The following ACE variants were observed in gnomAD, a reference collection of about 807,000 sequenced individuals.
ACE encodes the protein angiotensin-converting enzyme.
A neutral mutation model predicts 162.3 loss-of-function variants in ACE; 122 were observed. The observed-to-expected ratio is 0.75, with a 90% CI of 0.65 to 0.87. The LOEUF (loss-of-function observed/expected upper bound fraction) is 0.87, where lower values mean the gene tolerates loss of function less well. ACE is among the 40% of genes least tolerant of loss of function. The pLI is 0.00. For missense variants in ACE, 1,799 were observed against 1,735.1 expected (o/e 1.04, Z -0.65); for synonymous variants, 796 against 720.6 (o/e 1.10, Z -1.68).
In ACE at chr17:63,491,013, G is replaced by GC; in HGVS notation, c.2706dup (p.Ser903LeufsTer20). 6.2e-7 allele frequency: 1 copy of GC among 1,614,188 alleles called. No individual in the cohort carries two copies. The highest frequency in any genetic ancestry group is 8.5e-7 in the Non-Finnish European group (1 of 1,180,038). On this transcript the variant is annotated frameshift_variant, in exon 18 of 25. Coordinates refer to ENST00000290866, the MANE Select transcript of ACE (RefSeq NM_000789.4). LOFTEE classifies it high-confidence loss of function. This position sits in a 1 kb window ranked among gnomAD's most constrained non-coding sequence, Gnocchi z 4.4. The stretch of plus-strand genomic sequence containing the variant: ...TGACTTGGTGGTGCCCTTCCCTTCA[G>GC]CCCCCTCGATGGACACCACAGAGGC...
At position 63,484,707 on chromosome 17, in the gene ACE, A is replaced by C; in HGVS notation, c.1921+166A>C. ...ATCAGCAGGGCCTGCGAGTGGGGAC[A>C]GGCATGTCTTTCCCCCAGCATCCTA... On this transcript the variant is annotated intron_variant, in intron 12 of 24. Transcript: ENST00000290866. This position sits in a 1 kb window ranked among gnomAD's most constrained non-coding sequence, Gnocchi z 4.0. The C allele has an allele frequency of 6.9e-7, 1 of 1,450,562 alleles. No individual in the cohort carries two copies. The highest frequency in any genetic ancestry group is 9.1e-7 in the Non-Finnish European group (1 of 1,104,494). The allele number at this position is 1,450,562 out of a possible 1,614,324, so 89.9% of individuals were successfully genotyped here.
chr17:63,493,840 C>T, intron 20 of ACE, 82 bp from the exon 21 acceptor site: 1 of 1,602,226 alleles, frequency 6.2e-7, no homozygotes, highest in Non-Finnish European at 8.5e-7. Context: ...GTACAGCACC[C>T]CCACCCCTCC....
At chr17:63,486,741 G>C (rs2029970724) in intron 14 of ACE, 26 bp downstream of exon 14, 11 of 1,613,932 alleles carry the variant, frequency 6.8e-6, no homozygotes, top group Non-Finnish European at 9.3e-6. Context: ...GGTACAGGGA[G>C]AGGGGAATCC....
In ACE at chr17:63,479,116, C is replaced by G. The variant is rs528946102; in HGVS notation, c.511+16C>G. The G allele has an allele frequency of 6.3e-7, 1 of 1,599,318 alleles. No individual in the cohort carries two copies. The highest frequency in any genetic ancestry group is 1.3e-5 in the African/African-American group (1 of 74,416). On this transcript the variant is annotated intron_variant, in intron 3 of 24. Transcript: ENST00000290866. ...CTGGACCCAGGTACGGCCCTTGCAGCTCCCCTCTCGGCGGTGCCCTAGTGT... is the reference window on the plus strand; with the variant it reads ...CTGGACCCAGGTACGGCCCTTGCAGGTCCCCTCTCGGCGGTGCCCTAGTGT...
rs1301246511 is a variant in ACE at position 63,497,618 on chromosome 17, C to G, written c.*252C>G. On this transcript the variant is annotated 3_prime_UTR_variant, in exon 25 of 25. Coordinates refer to ENST00000290866, the MANE Select transcript of ACE (RefSeq NM_000789.4). Reference sequence around the variant, plus strand: ...AATACAATTAAAGGTCCTGCCCTCCCCATCTGAGTCTGTGTCCCTCACAGG... The same window carrying G: ...AATACAATTAAAGGTCCTGCCCTCCGCATCTGAGTCTGTGTCCCTCACAGG... The G allele has an allele frequency of 7.3e-6, 5 of 683,270 alleles. No individual in the cohort carries two copies. In the Admixed American group the frequency reaches 8.2e-5, roughly 11 times the overall value. 42.3% of individuals were successfully genotyped at this position (683,270 alleles called of 1,614,324 possible).
chr17:63,482,940 A>C (rs1327501379), intron 8 of ACE, 89 bp from the exon 9 acceptor site: 3 of 1,421,038 alleles, frequency 2.1e-6, no homozygotes, highest in Non-Finnish European at 3.0e-6. Context: ...CCCTGGCCTC[A>C]CTTTCTGCTG....
At chr17:63,478,857 G>A (rs2147526890) in intron 2 of ACE, 150 bp from the exon 3 acceptor site, 3 of 707,100 alleles carry the variant, frequency 4.2e-6, no homozygotes, top group South Asian at 3.0e-5. Context: ...GTCACACTAA[G>A]TGACACTTAG....
At position 63,486,973 on chromosome 17, in the gene ACE, C is replaced by A. The variant is rs750347579; in HGVS notation, c.2218-13C>A. 1 of 1,610,578 alleles carries A rather than the reference C, an allele frequency of 6.2e-7. No homozygotes were observed. The highest frequency in any genetic ancestry group is 1.1e-5 in the South Asian group (1 of 91,012). ...AAAGGAGTACAGCTCATTGCCTCTCCTTCCTCCTGCAGTACAACAAGATCC... is the reference window on the plus strand; with the variant it reads ...AAAGGAGTACAGCTCATTGCCTCTCATTCCTCCTGCAGTACAACAAGATCC... On this transcript the variant is annotated splice_polypyrimidine_tract_variant and intron_variant, in intron 14 of 24. Transcript: ENST00000290866.
chr17:63,477,402 C>G, intron 1 of ACE, 59 bp downstream of exon 1: 1 of 1,171,004 alleles, frequency 8.5e-7, no homozygotes, highest in East Asian at 3.8e-5. Context: ...TCACAGCACG[C>G]GGCCGGCTTG....
intron 12 of ACE, 104 bp from the exon 13 acceptor site, chr17:63,485,132 G>T: frequency 6.3e-7 from 1 of 1,582,782 alleles, no homozygotes; most frequent in Non-Finnish European, 8.6e-7. Context: ...TAGGGACAGG[G>T]CAGGGTACAA....
intron 7 of ACE, among the ~76,000 whole-genome samples, 171 bp downstream of exon 7, chr17:63,481,909 C>T (rs1005739046): frequency 6.6e-6 from 1 of 152,178 alleles, no homozygotes; most frequent in Non-Finnish European, 1.5e-5. Context: ...GCCTATTAGT[C>T]CACCTTCTCT....
chr17:63,488,060 C>T (rs2030085765), intron 15 of ACE, among the ~76,000 whole-genome samples: 1 of 152,154 alleles, frequency 6.6e-6, no homozygotes, highest in African/African-American at 2.4e-5. Flanking sequence ...CATGGTGAAA[C>T]CCCATCTGTA....
Position 63,489,093 on chromosome 17 carries a change from C to T in ACE, c.2602C>T (p.His868Tyr). The T allele has an allele frequency of 6.2e-7, 1 of 1,613,072 alleles. No homozygotes were observed. The highest frequency in any genetic ancestry group is 1.6e-4 in the Middle Eastern group (1 of 6,062). ...CCTGCACCGTCACTACGGGGCCCAGCACATCAACCTGGAGGGGCCCATTCC... is the reference window on the plus strand; with the variant it reads ...CCTGCACCGTCACTACGGGGCCCAGTACATCAACCTGGAGGGGCCCATTCC... ...RALHRHYGAQHINLEGPIPAH... is the reference protein window; with the variant it reads ...RALHRHYGAQYINLEGPIPAH... The change falls in exon 17 of 25, where the codon CAC (histidine) becomes TAC (tyrosine). Residue 868 changes from histidine to tyrosine, a missense_variant. Transcript: ENST00000290866.
At chr17:63,485,417 C>T (rs1286467628) in intron 13 of ACE, 45 bp downstream of exon 13, 1 of 1,610,480 alleles carries the variant, frequency 6.2e-7, no homozygotes, top group Non-Finnish European at 8.5e-7. Flanking sequence ...TGTGCATACA[C>T]ACAGAGATGC....
At chr17:63,486,029 A>G (rs562092953) in intron 13 of ACE, among the ~76,000 whole-genome samples, 2 of 152,300 alleles carry the variant, frequency 1.3e-5, no homozygotes, top group Admixed American at 1.3e-4. Context: ...TTTTTAAAAG[A>G]TTGAAAGCCT....
At chr17:63,485,943 TCAAA>T (rs2029908027) in intron 13 of ACE, among the ~76,000 whole-genome samples, 1 of 152,152 alleles carries the variant, frequency 6.6e-6, no homozygotes, top group East Asian at 1.9e-4. Flanking sequence ...CCATCTCTAT[TCAAA>T]CAAACAAATA....
chr17:63,489,296 G>T (rs1406851055), intron 17 of ACE, among the ~76,000 whole-genome samples, 164 bp downstream of exon 17: 1 of 152,158 alleles, frequency 6.6e-6, no homozygotes, highest in Non-Finnish European at 1.5e-5. Flanking sequence ...GCTGGGAGTG[G>T]GGAGCCCCCC....
At position 63,478,100 on chromosome 17, in the gene ACE, TGGGCTGA is replaced by T; in HGVS notation, c.417+12_417+18del. The T allele has an allele frequency of 6.3e-7, 1 of 1,577,748 alleles. No homozygotes were observed. Among genetic ancestry groups the T allele is most frequent in the African/African-American group, 1.3e-5 (1 of 74,164 alleles). On this transcript the variant is annotated splice_donor_5th_base_variant and intron_variant, in intron 2 of 24. Coordinates refer to ENST00000290866, the MANE Select transcript of ACE (RefSeq NM_000789.4). ...CTGCCCCTGGCTAAGCGGCAGCAGG[TGGGCTGA>T]GGGCTGAGGCAGAGCTCGGGGGCGG...
chr17:63,477,350 G>T lies in ACE; in HGVS notation c.249+7G>T. 5 of 1,264,888 alleles carry T rather than the reference G, an allele frequency of 4.0e-6. No homozygotes were observed. Among genetic ancestry groups the T allele is most frequent in the Non-Finnish European group, 5.0e-6 (5 of 997,632 alleles). The allele number at this position is 1,264,888 out of a possible 1,614,324, so 78.4% of individuals were successfully genotyped here. On this transcript the variant is annotated splice_region_variant and intron_variant, in intron 1 of 24. Transcript: ENST00000290866. ...GGAGAATGCAAGGCGCCAGGTGGGCGCCCGGGCCCGGGCGGGGGCGGGGCG... is the reference window on the plus strand; with the variant it reads ...GGAGAATGCAAGGCGCCAGGTGGGCTCCCGGGCCCGGGCGGGGGCGGGGCG...
Sources: gnomAD v4.1 joint callset for allele counts (sites outside exome capture counted in the v4.1 genomes callset) on GRCh38, gnomAD v4.1.1 for gene constraint, Gnocchi (gnomAD v3.1) non-coding constraint, MANE v1.5 for transcripts, NCBI Gene and HGNC (gene_info 2026-07-23, HGNC 2026-07-21) for gene names.